The following PPP2R5C variants were observed in gnomAD, a reference collection of about 807,000 sequenced individuals.
PPP2R5C encodes protein phosphatase 2 regulatory subunit B'gamma, also known as serine/threonine-protein phosphatase 2A 56 kDa regulatory subunit gamma isoform.
Under a neutral mutation model 68.9 loss-of-function variants are expected in PPP2R5C, and 7 were observed. The ratio of observed to expected loss-of-function variants is 0.10; its 90% confidence interval spans 0.06 to 0.19. The LOEUF is 0.19. Ranked by LOEUF, PPP2R5C falls within the 10% of genes least tolerant of loss-of-function variation. The pLI is 1.00. For synonymous variants in PPP2R5C, 210 were observed against 222.2 expected, an observed-to-expected ratio of 0.95 and a Z score of 0.49; for missense variants, 348 against 641.3, an observed-to-expected ratio of 0.54 and a Z score of 4.94.
At chr14:101,765,029 G>T in intron 2 of PPP2R5C, 1 of 614,906 alleles carries the variant, frequency 1.6e-6, no homozygotes, top group Non-Finnish European at 2.9e-6. Context: ...GTAGTTCAAA[G>T]ATACCAAAAT....
At chr14:101,919,166 C>CG (rs1476220771) in intron 13 of PPP2R5C, among the ~76,000 whole-genome samples, 5 of 152,340 alleles carry the variant, frequency 3.3e-5, no homozygotes, top group Admixed American at 2.0e-4. Context: ...AAAGGGCTCA[C>CG]GGCACCAAGT....
intron 2 of PPP2R5C, among the ~76,000 whole-genome samples, chr14:101,871,231 G>GTTGTT (rs1566926050): frequency 2.2e-5 from 2 of 91,072 alleles, no homozygotes; most frequent in African/African-American, 1.5e-4. Context: ...TTTGGTTTTT[G>GTTGTT]TTGTTGTTGT....
At chr14:101,816,472 C>G (rs1475076247) in intron 1 of PPP2R5C, among the ~76,000 whole-genome samples, 2 of 152,158 alleles carry the variant, frequency 1.3e-5, no homozygotes, top group Non-Finnish European at 2.9e-5. Context: ...AGAGATATAA[C>G]AGGTACCGTG....
rs149445879 is a variant in PPP2R5C at position 101,799,061 on chromosome 14, T to C, written c.259+12878T>C. On this transcript the variant is annotated intron_variant, in intron 3 of 14. Transcript: ENST00000328724. ...GCAACTGCTTGATTCATTCATTCAG[T>C]ACATTTGATGGAACACCTGCATGCC... is the stretch of plus-strand genomic sequence containing the variant. Among the ~76,000 whole-genome samples, 362 of 152,310 alleles carry C rather than the reference T, an allele frequency of 2.4e-3. 3 individuals carry two copies. The highest frequency in any genetic ancestry group is 0.014 in the Middle Eastern group (4 of 294).
At chr14:101,912,343 C>T (rs774690803) in intron 11 of PPP2R5C, 58 bp from the exon 14 acceptor site, 62 of 1,432,816 alleles carry the variant, frequency 4.3e-5, no homozygotes, top group Non-Finnish European at 5.2e-5. Context: ...TTTTCCCCTT[C>T]AGTGTGTTCT....
chr14:101,809,758 G>GT (rs1301812319), upstream of PPP2R5C: 10 of 1,292,624 alleles, frequency 7.7e-6, no homozygotes, highest in South Asian at 5.5e-5. Context: ...TCCGTTTGCA[G>GT]TTTTTTTAGT....
intron 2 of PPP2R5C, among the ~76,000 whole-genome samples, chr14:101,859,884 T>C (rs2042652873): frequency 6.6e-6 from 1 of 151,846 alleles, no homozygotes; most frequent in Admixed American, 6.6e-5. Flanking sequence ...TATATTTTGG[T>C]CATAACAGTT....
rs1275022608 is a variant in PPP2R5C, at chr14:101,916,102, A to G, written c.1327-1729A>G. On this transcript the variant is annotated intron_variant, in intron 12 of 13. Transcript: ENST00000334743. This position sits in a 1 kb window ranked among gnomAD's most constrained non-coding sequence, Gnocchi z 5.5. The stretch of plus-strand genomic sequence containing the variant: ...GAATTCCCCCAAAATGTCAGCAGAT[A>G]TTAAAGAGCCATAAAGGGCAAAATG... 6.6e-6 allele frequency among the ~76,000 whole-genome samples: 1 copy of G among 152,230 alleles called. No individual in the cohort carries two copies. The highest frequency in any genetic ancestry group is 1.5e-5 in the Non-Finnish European group (1 of 68,046).
intron 1 of PPP2R5C, among the ~76,000 whole-genome samples, chr14:101,833,865 G>A (rs1313359280): frequency 1.3e-5 from 2 of 152,246 alleles, no homozygotes; most frequent in South Asian, 2.1e-4. Context: ...GCAGTGGCGC[G>A]ATCTCAGCTC....
intron 1 of PPP2R5C, chr14:101,818,850 T>G: frequency 1.6e-6 from 1 of 635,950 alleles, no homozygotes; most frequent in Admixed American, 2.8e-5. Flanking sequence ...AGTGATTAGG[T>G]TTTTTCAGTT....
At chr14:101,869,507 G>A (rs1311675888) in intron 2 of PPP2R5C, among the ~76,000 whole-genome samples, 3 of 152,148 alleles carry the variant, frequency 2.0e-5, no homozygotes, top group Non-Finnish European at 2.9e-5. Flanking sequence ...CTGCCAAACC[G>A]TTTTCCAAAG....
At chr14:101,914,181 C>T (rs765152009) in intron 12 of PPP2R5C, 7 of 455,958 alleles carry the variant, frequency 1.5e-5, no homozygotes, top group Non-Finnish European at 3.1e-5. Flanking sequence ...GCAGGCATGC[C>T]GTGGTTCTGC....
intron 1 of PPP2R5C, chr14:101,820,228 T>C (rs2039967936): frequency 6.6e-6 from 1 of 152,256 alleles, no homozygotes; most frequent in African/African-American, 2.4e-5. Context: ...TTTTGGCCCA[T>C]GGTAAAATTT....
exon 12 of PPP2R5C, chr14:101,912,450 A>G: frequency 6.2e-7 from 1 of 1,602,982 alleles, no homozygotes; most frequent in Non-Finnish European, 8.5e-7. Flanking sequence ...TAAAATAGAA[A>G]ATCTAGCCAA....
intron 2 of PPP2R5C, among the ~76,000 whole-genome samples, chr14:101,871,334 C>T (rs558820038): frequency 3.3e-5 from 5 of 152,070 alleles, no homozygotes; most frequent in African/African-American, 1.2e-4. Flanking sequence ...CTCCGCCTCC[C>T]GGGTTCATGC....
chr14:101,778,296 C>A (rs957205684), intron 2 of PPP2R5C, among the ~76,000 whole-genome samples: 3 of 152,018 alleles, frequency 2.0e-5, no homozygotes, highest in Admixed American at 6.6e-5. Context: ...TGTTAGAGTT[C>A]TTTTCATATT....
chr14:101,861,450 G>A (rs1019457149), intron 2 of PPP2R5C, among the ~76,000 whole-genome samples: 1 of 152,100 alleles, frequency 6.6e-6, no homozygotes, highest in Admixed American at 6.6e-5. Flanking sequence ...AATTTGTACC[G>A]ATGGTGCAGA....
intron 13 of PPP2R5C, among the ~76,000 whole-genome samples, chr14:101,920,118 G>T (rs1235868439): frequency 6.6e-6 from 1 of 152,226 alleles, no homozygotes; most frequent in Non-Finnish European, 1.5e-5. Flanking sequence ...TACCTGAAAG[G>T]TGTGTGCATA....
At chr14:101,763,733 C>T (rs898740524) in intron 2 of PPP2R5C, among the ~76,000 whole-genome samples, 1 of 152,140 alleles carries the variant, frequency 6.6e-6, no homozygotes, top group Admixed American at 6.5e-5. Flanking sequence ...AGCAACCCTC[C>T]TGTATAGATT....
Sources: gnomAD v4.1 joint callset for allele counts (sites outside exome capture counted in the v4.1 genomes callset) on GRCh38, gnomAD v4.1.1 for gene constraint, Gnocchi (gnomAD v3.1) non-coding constraint, MANE v1.5 for transcripts, NCBI Gene and HGNC (gene_info 2026-07-23, HGNC 2026-07-21) for gene names.